The following WWP1 variants were observed in gnomAD, a reference collection of about 807,000 sequenced individuals.
WWP1 encodes the protein NEDD4-like E3 ubiquitin-protein ligase WWP1.
A neutral mutation model predicts 130.6 loss-of-function variants in WWP1; 49 were observed. That is an observed-to-expected ratio of 0.38 (90% CI 0.30 to 0.48). The LOEUF (loss-of-function observed/expected upper bound fraction) is 0.48. WWP1 is among the 20% of genes least tolerant of loss of function. WWP1 has a pLI of 0.99. For synonymous variants in WWP1, 332 were observed against 367.8 expected (o/e 0.90, Z 1.11); for missense variants, 809 against 1,100.6 (o/e 0.74, Z 3.75).
At chr8:86,365,163 G>A (rs1301439424) in intron 1 of WWP1, among the ~76,000 whole-genome samples, 2 of 152,126 alleles carry the variant, frequency 1.3e-5, no homozygotes, top group East Asian at 3.9e-4. Flanking sequence ...ACTCCCTCTG[G>A]TTGAAAATCT....
chr8:86,348,567 A>G (rs933319481), intron 1 of WWP1, among the ~76,000 whole-genome samples: 2 of 152,172 alleles, frequency 1.3e-5, no homozygotes, highest in African/African-American at 4.8e-5. Flanking sequence ...ATACTGGCGT[A>G]CCTACTATGT....
intron 9 of WWP1, among the ~76,000 whole-genome samples, chr8:86,424,851 AG>A (rs1809521317): frequency 3.6e-4 from 1 of 2,762 alleles, no homozygotes; most frequent in African/African-American, 1.3e-3. Context: ...AGGGGAGGGG[AG>A]GGGGAGGGGG....
chr8:86,433,897 A>G (rs1445176077), intron 14 of WWP1, among the ~76,000 whole-genome samples: 1 of 152,110 alleles, frequency 6.6e-6, no homozygotes, highest in African/African-American at 2.4e-5. Flanking sequence ...CAGCCTAGGC[A>G]ACAAGAGCGA....
chr8:86,419,520 A>G (rs1809077956), intron 9 of WWP1, among the ~76,000 whole-genome samples: 1 of 152,342 alleles, frequency 6.6e-6, no homozygotes, highest in South Asian at 2.1e-4. Flanking sequence ...GGAATACTCA[A>G]AGGACTAAAA....
At chr8:86,360,933 G>A (rs1823556627) in intron 1 of WWP1, among the ~76,000 whole-genome samples, 1 of 152,198 alleles carries the variant, frequency 6.6e-6, no homozygotes, top group Non-Finnish European at 1.5e-5. Context: ...ATTGGATGGA[G>A]CAGTGAATGC....
intron 9 of WWP1, among the ~76,000 whole-genome samples, chr8:86,412,727 T>TC (rs60099526): frequency 6.6e-6 from 1 of 152,110 alleles, no homozygotes; most frequent in Non-Finnish European, 1.5e-5. Context: ...TTTTTTTTTT[T>TC]CTCAGTGCCC....
At chr8:86,421,397 G>A (rs1809192988) in intron 9 of WWP1, among the ~76,000 whole-genome samples, 1 of 151,894 alleles carries the variant, frequency 6.6e-6, no homozygotes, top group South Asian at 2.1e-4. Context: ...TGTGTTTATG[G>A]GTGCAAACTA....
intron 9 of WWP1, among the ~76,000 whole-genome samples, chr8:86,423,372 C>T (rs191896277): frequency 0.018 from 2,670 of 152,146 alleles, 38 homozygotes; most frequent in Middle Eastern, 0.027. Flanking sequence ...GACCCTGCGG[C>T]CTTCCACAGT....
intron 24 of WWP1, among the ~76,000 whole-genome samples, chr8:86,464,461 C>T (rs1811928321): frequency 6.6e-6 from 1 of 152,120 alleles, no homozygotes; most frequent in African/African-American, 2.4e-5. Context: ...AACTTCTAAT[C>T]CAGTAAATAT....
chr8:86,345,326 C>G (rs761027021), intron 1 of WWP1, among the ~76,000 whole-genome samples: 3 of 152,126 alleles, frequency 2.0e-5, no homozygotes, highest in Non-Finnish European at 4.4e-5. Context: ...CCATATGCGC[C>G]TATGCTTTGT....
intron 12 of WWP1, among the ~76,000 whole-genome samples, chr8:86,431,106 T>C (rs1239311260): frequency 7.3e-6 from 1 of 136,798 alleles, no homozygotes; most frequent in Non-Finnish European, 1.5e-5. Context: ...ATATATATAA[T>C]ATACAGAATA....
chr8:86,394,895 G>A (rs553971256), intron 5 of WWP1, among the ~76,000 whole-genome samples: 39 of 133,612 alleles, frequency 2.9e-4, no homozygotes, highest in South Asian at 2.3e-3. Flanking sequence ...TCTTTGTGGC[G>A]TTGATGATTT....
intron 1 of WWP1, among the ~76,000 whole-genome samples, chr8:86,363,492 C>A (rs1276173563): frequency 6.6e-6 from 1 of 151,820 alleles, no homozygotes; most frequent in Non-Finnish European, 1.5e-5. Context: ...ACAAAGGCTA[C>A]TGAAAGAGGT....
chr8:86,414,890 T>TCTC (rs1808801206), intron 9 of WWP1, among the ~76,000 whole-genome samples: 1 of 94,814 alleles, frequency 1.1e-5, no homozygotes, highest in Non-Finnish European at 2.0e-5. Flanking sequence ...CCCCCCCCCA[T>TCTC]CCCCCCACCC....
chr8:86,365,892 GAGAA>G (rs1242219412), intron 1 of WWP1, among the ~76,000 whole-genome samples: 6 of 152,146 alleles, frequency 3.9e-5, no homozygotes, highest in Admixed American at 6.5e-5. Flanking sequence ...TGAAGGGAGA[GAGAA>G]AGGCACAATA....
At chr8:86,424,514 C>G (rs1469330338) in intron 9 of WWP1, among the ~76,000 whole-genome samples, 2 of 151,986 alleles carry the variant, frequency 1.3e-5, no homozygotes, top group East Asian at 2.0e-4. Flanking sequence ...GCCTGGGCAC[C>G]ATTGAGCACT....
At chr8:86,466,563 TTATC>T (rs1307771746) in intron 24 of WWP1, among the ~76,000 whole-genome samples, 2 of 151,988 alleles carry the variant, frequency 1.3e-5, no homozygotes, top group African/African-American at 4.8e-5. Flanking sequence ...AAATTTGTCT[TTATC>T]CATATTGCTA....
chr8:86,387,874 T>C (rs1825380453), intron 5 of WWP1, among the ~76,000 whole-genome samples: 1 of 152,226 alleles, frequency 6.6e-6, no homozygotes, highest in Admixed American at 6.5e-5. Flanking sequence ...AATGAAAAGT[T>C]AGCTTCATTT....
chr8:86,467,280 A>G lies in WWP1; in HGVS notation c.*387A>G, dbSNP rs1466312091. 6.3e-6 allele frequency: 1 copy of G among 159,466 alleles called. No individual in the cohort carries two copies. The highest frequency in any genetic ancestry group is 1.4e-5 in the Non-Finnish European group (1 of 73,194). 9.9% of individuals were successfully genotyped at this position (159,466 alleles called of 1,614,324 possible). On this transcript the variant is annotated 3_prime_UTR_variant, in exon 25 of 25. Transcript: ENST00000517970. Reference sequence around the variant, plus strand: ...CTTGTTAATATTATCTAGGGGAAAAAGTGCAAATTGCTCCATGTTCTTCTC... The same window carrying G: ...CTTGTTAATATTATCTAGGGGAAAAGGTGCAAATTGCTCCATGTTCTTCTC...
Sources: allele counts gnomAD v4.1 joint callset (sites outside exome capture counted in the v4.1 genomes callset), GRCh38; gene constraint gnomAD v4.1.1; transcripts MANE v1.5; gene names NCBI Gene and HGNC (gene_info 2026-07-23, HGNC 2026-07-21).